EXOC6: variants seen among roughly 807,000 people sequenced by gnomAD.
EXOC6 encodes the protein SEC15-like 1.
EXOC6 carries 60 observed loss-of-function variants against 112.5 expected under a neutral mutation model. The ratio of observed to expected loss-of-function variants is 0.53; its 90% CI spans 0.43 to 0.66. The LOEUF is 0.66. Among genes scored for constraint, EXOC6 ranks in the 30% least tolerant of loss-of-function variants. The pLI, the probability that EXOC6 is intolerant of heterozygous loss-of-function variation, is 0.00. For synonymous variants in EXOC6, 295 were observed against 308.0 expected (o/e 0.96, Z 0.44); for missense variants, 855 against 957.1 (o/e 0.89, Z 1.41).
intron 1 of EXOC6, among the ~76,000 whole-genome samples, chr10:92,866,329 A>G (rs1202899279): frequency 6.6e-6 from 1 of 152,192 alleles, no homozygotes; most frequent in Non-Finnish European, 1.5e-5. Context: ...AAACTCCTAT[A>G]GCCACAAACA....
At chr10:92,973,415 T>C (rs1842374387) in intron 17 of EXOC6, among the ~76,000 whole-genome samples, 1 of 152,226 alleles carries the variant, frequency 6.6e-6, no homozygotes, top group Non-Finnish European at 1.5e-5. Flanking sequence ...AAATGATGCC[T>C]GTATTTCTGC....
intron 17 of EXOC6, among the ~76,000 whole-genome samples, chr10:92,963,140 T>A (rs1854109069): frequency 6.6e-6 from 1 of 152,218 alleles, no homozygotes; most frequent in South Asian, 2.1e-4. Context: ...TATAAAATCA[T>A]ATTTATTCAT....
rs182775613 is a variant in EXOC6, at chr10:92,932,709, C to T, written c.973-1435C>T. Among the ~76,000 whole-genome samples, 975 of 151,782 alleles carry T rather than the reference C, an allele frequency of 6.4e-3. 17 individuals are homozygous for T. The highest frequency in any genetic ancestry group is 0.022 in the African/African-American group (926 of 41,380). Reference sequence around the variant, plus strand: ...GCTTCAAACAAAAGGAATGTGATGCCAAAGGGAAGATGTGAGATGCAAGAA... The same window carrying T: ...GCTTCAAACAAAAGGAATGTGATGCTAAAGGGAAGATGTGAGATGCAAGAA... On this transcript the variant is annotated intron_variant, in intron 9 of 21. Coordinates refer to ENST00000260762, the MANE Select transcript of EXOC6 (RefSeq NM_019053.6).
At chr10:92,993,283 T>C (rs900860391) in intron 18 of EXOC6, among the ~76,000 whole-genome samples, 1 of 152,176 alleles carries the variant, frequency 6.6e-6, no homozygotes, top group Non-Finnish European at 1.5e-5. Flanking sequence ...TAGTTTATTG[T>C]ACAAAGTTAA....
chr10:92,857,334 A>G (rs1001905338), intron 1 of EXOC6, among the ~76,000 whole-genome samples: 1 of 152,124 alleles, frequency 6.6e-6, no homozygotes, highest in Non-Finnish European at 1.5e-5. Context: ...CCAGTAAGGT[A>G]TAGAAATGTT....
At chr10:93,023,664 G>A (rs1844887012) in intron 20 of EXOC6, among the ~76,000 whole-genome samples, 1 of 152,074 alleles carries the variant, frequency 6.6e-6, no homozygotes, top group African/African-American at 2.4e-5. Context: ...TGATGGACTT[G>A]ATATACTTAT....
chr10:92,846,789 A>C (rs2133605991), upstream of EXOC6, among the ~76,000 whole-genome samples: 1 of 152,334 alleles, frequency 6.6e-6, no homozygotes, highest in East Asian at 1.9e-4. Context: ...TGTTATTTTT[A>C]CATGACAAAG....
intron 20 of EXOC6, among the ~76,000 whole-genome samples, chr10:93,054,957 GA>G (rs869055194): frequency 2.3e-5 from 1 of 44,278 alleles, no homozygotes; most frequent in African/African-American, 4.5e-5. Flanking sequence ...CAAAAATAAA[GA>G]AAATAACAGT....
upstream of EXOC6, among the ~76,000 whole-genome samples, chr10:92,834,216 T>C (rs1160135031): frequency 1.3e-5 from 2 of 152,094 alleles, no homozygotes; most frequent in African/African-American, 2.4e-5. Context: ...CCATAGCACA[T>C]TTCATTTTTC....
At chr10:92,954,585 C>A in intron 15 of EXOC6, 45 bp from the exon 16 acceptor site, 1 of 920,200 alleles carries the variant, frequency 1.1e-6, no homozygotes, top group Non-Finnish European at 1.7e-6. Context: ...TAACTAACCA[C>A]ATTCATTATT....
At chr10:93,007,300 T>A (rs56087738) in intron 19 of EXOC6, among the ~76,000 whole-genome samples, 13,473 of 151,834 alleles carry the variant, frequency 0.089, 661 homozygotes, top group Admixed American at 0.15. Context: ...TTTTTTTTTT[T>A]TATATATACA....
intron 20 of EXOC6, among the ~76,000 whole-genome samples, chr10:93,051,463 G>A (rs527452369): frequency 6.6e-6 from 1 of 152,120 alleles, no homozygotes; most frequent in Non-Finnish European, 1.5e-5. Flanking sequence ...ACACCTGAAG[G>A]CAAAAAAGTG....
At chr10:92,944,061 T>C (rs1203384212) in intron 13 of EXOC6, among the ~76,000 whole-genome samples, 1 of 152,126 alleles carries the variant, frequency 6.6e-6, no homozygotes, top group African/African-American at 2.4e-5. Flanking sequence ...TTCATCCTTG[T>C]TGTTGCAAAT....
At chr10:92,914,535 A>G (rs1386835274) in intron 6 of EXOC6, among the ~76,000 whole-genome samples, 1 of 152,228 alleles carries the variant, frequency 6.6e-6, no homozygotes, top group Admixed American at 6.5e-5. Context: ...ATAATTGGGA[A>G]ACAATACTCT....
upstream of EXOC6, chr10:92,831,180 C>T: frequency 2.4e-6 from 1 of 410,166 alleles, no homozygotes; most frequent in South Asian, 1.9e-5. Context: ...CTGCACTTAG[C>T]AGGACTGAGA....
chr10:92,934,042 A>G (rs1012783145), intron 9 of EXOC6, 102 bp from the exon 10 acceptor site: 1 of 680,062 alleles, frequency 1.5e-6, no homozygotes, highest in African/African-American at 1.9e-5. Context: ...CATATAGTAG[A>G]CTCTCAATAA....
rs767767281 is a variant in EXOC6 at position 92,893,529 on chromosome 10, T to C, written c.273+9T>C. ...ATGCAGAAAAACTGAAGGTAAGAAATATGTTAAAATTATTTGCCTTTGTTC... is the reference window on the plus strand; with the variant it reads ...ATGCAGAAAAACTGAAGGTAAGAAACATGTTAAAATTATTTGCCTTTGTTC... On this transcript the variant is annotated intron_variant, in intron 2 of 21. Coordinates refer to ENST00000260762, the MANE Select transcript of EXOC6 (RefSeq NM_019053.6). The C allele has an allele frequency of 1.9e-4, 303 of 1,591,710 alleles. 5 individuals carry two copies. The South Asian group carries it at 3.3e-3, about 17-fold the overall frequency.
Position 93,048,386 on chromosome 10 carries a change from TA to T in EXOC6, c.2170-8530del, listed in dbSNP as rs59896014. The stretch of plus-strand genomic sequence containing the variant: ...TTTATTATTTTTCAAAAATAGGAAA[TA>T]AAAAAAATTGATAAGAATTTATTAA... On this transcript the variant is annotated intron_variant, in intron 20 of 21. Transcript: ENST00000260762. 5.3e-3 allele frequency among the ~76,000 whole-genome samples: 809 copies of T among 151,954 alleles called. 7 individuals carry two copies. Among genetic ancestry groups the T allele is most frequent in the Non-Finnish European group, 8.3e-3 (566 of 67,972 alleles).
Position 92,970,756 on chromosome 10 carries a change from A to C in EXOC6, c.1774-3297A>C, listed in dbSNP as rs549473567. On this transcript the variant is annotated intron_variant, in intron 17 of 21. Transcript: ENST00000260762. ...AGAAATATCTTCGAATTCTTGTTCT[A>C]ATCCTACTGTGAAGCCAGGCATGCA... is the stretch of plus-strand genomic sequence containing the variant. 3.9e-5 allele frequency among the ~76,000 whole-genome samples: 6 copies of C among 152,360 alleles called. No individual in the cohort carries two copies. The East Asian group carries it at 1.2e-3, about 29-fold the overall frequency.
Sources: gnomAD v4.1 joint callset for allele counts (sites outside exome capture counted in the v4.1 genomes callset) on GRCh38, gnomAD v4.1.1 for gene constraint, MANE v1.5 for transcripts, NCBI Gene and HGNC (gene_info 2026-07-23, HGNC 2026-07-21) for gene names.